RYR3: variants seen among roughly 807,000 people sequenced by gnomAD.
RYR3 encodes ryanodine receptor 3, also known as brain ryanodine receptor-calcium release channel.
In RYR3, 207 loss-of-function variants were observed where a neutral mutation model predicts 584.3. That is an observed-to-expected ratio of 0.35 (90% confidence interval 0.32 to 0.40). The LOEUF (loss-of-function observed/expected upper bound fraction) is 0.40. Ranked by LOEUF, RYR3 falls within the 10% of genes least tolerant of loss-of-function variation. RYR3 has a pLI of 1.00. For missense variants in RYR3, 5,616 were observed against 6,089.2 expected (o/e 0.92, Z 2.59); for synonymous variants, 2,416 against 2,248.5 (o/e 1.07, Z -2.11).
chr15:33,762,880 A>G (rs1313589374), intron 60 of RYR3, among the ~76,000 whole-genome samples: 4 of 152,240 alleles, frequency 2.6e-5, no homozygotes, highest in African/African-American at 9.6e-5. Context: ...CTACAAGGCT[A>G]CAGTAACCAA....
At chr15:33,704,539 T>C (rs2066549025) in intron 42 of RYR3, among the ~76,000 whole-genome samples, 1 of 152,216 alleles carries the variant, frequency 6.6e-6, no homozygotes, top group African/African-American at 2.4e-5. Context: ...TGTCTATTCA[T>C]GGTCTCTGCA....
chr15:33,807,958 C>T (rs941105579), intron 70 of RYR3, among the ~76,000 whole-genome samples: 1 of 152,236 alleles, frequency 6.6e-6, no homozygotes, highest in African/African-American at 2.4e-5. Context: ...GGTCTCAGCC[C>T]TTTCACACTG....
At chr15:33,512,029 C>T (rs1214551397) in intron 3 of RYR3, among the ~76,000 whole-genome samples, 3 of 152,140 alleles carry the variant, frequency 2.0e-5, no homozygotes, top group Non-Finnish European at 2.9e-5. Context: ...CCGCCCGCCT[C>T]GGCCTTCCAA....
At chr15:33,566,831 G>C (rs768079662) in intron 12 of RYR3, 32 bp downstream of exon 12, 2 of 1,612,816 alleles carry the variant, frequency 1.2e-6, no homozygotes, top group East Asian at 4.5e-5. Context: ...TCTACCTAGT[G>C]AGTTTGACTC....
chr15:33,635,015 A>T (rs1319573687), intron 25 of RYR3, among the ~76,000 whole-genome samples: 1 of 152,218 alleles, frequency 6.6e-6, no homozygotes, highest in African/African-American at 2.4e-5. Flanking sequence ...AGAATACCTG[A>T]TCAAAAACCA....
intron 98 of RYR3, chr15:33,856,647 GTT>G (rs60494844): frequency 3.2e-5 from 5 of 153,898 alleles, no homozygotes; most frequent in Non-Finnish European, 7.1e-5. Flanking sequence ...GAACCTTTGG[GTT>G]TTTTGTTTGT....
chr15:33,640,619 AC>A lies in RYR3; in HGVS notation c.3557-3686del, dbSNP rs543032635. Among the ~76,000 whole-genome samples, 27 of 152,190 alleles carry A rather than the reference AC, an allele frequency of 1.8e-4. 1 individual carries two copies. The South Asian group carries it at 5.4e-3, about 30-fold the overall frequency. ...TGCAATCTCCTGGAATTATAAGATT[AC>A]CCCCCTGCTCTCCCTCTTCCTAATC... On this transcript the variant is annotated intron_variant, in intron 27 of 103. Coordinates refer to ENST00000634891, the MANE Select transcript of RYR3 (RefSeq NM_001036.6).
intron 55 of RYR3, 21 bp downstream of exon 55, chr15:33,748,551 A>T (rs557537487): frequency 6.2e-7 from 1 of 1,605,092 alleles, no homozygotes; most frequent in East Asian, 2.2e-5. Flanking sequence ...CAGGTCCAGC[A>T]TGACTTGCTT....
chr15:33,660,499 AC>A, intron 34 of RYR3, 76 bp downstream of exon 34: 2 of 988,864 alleles, frequency 2.0e-6, no homozygotes, highest in African/African-American at 1.6e-5. Flanking sequence ...CCAGAAGGAA[AC>A]CAGGAGCATC....
chr15:33,365,979 A>T (rs1975439960), intron 1 of RYR3, among the ~76,000 whole-genome samples: 2 of 152,320 alleles, frequency 1.3e-5, no homozygotes, highest in South Asian at 4.1e-4. Context: ...TCACCAGTTC[A>T]TAAGGCACTT....
Position 33,844,900 on chromosome 15 carries a change from T to C in RYR3, c.13335T>C (p.Val4445=), listed in dbSNP as rs1295421235. 3 of 1,614,008 alleles carry C rather than the reference T, an allele frequency of 1.9e-6. No individual in the cohort carries two copies. The highest frequency in any genetic ancestry group is 2.5e-6 in the Non-Finnish European group (3 of 1,179,884). The change falls in exon 93 of 104, where the codon GTT becomes GTC. Residue 4445 remains valine, a synonymous_variant. Coordinates refer to ENST00000634891, the MANE Select transcript of RYR3 (RefSeq NM_001036.6). ...CTTTAGAAGAAGAGACAGAGGATGT[T>C]GCAAACCTATGGAATTCCTTTAATG... ...EEPLEEETED[V]ANLWNSFNDE... is the part of the protein sequence containing the mutation.
chr15:33,768,150 G>C (rs2073255251), intron 60 of RYR3, among the ~76,000 whole-genome samples: 1 of 152,160 alleles, frequency 6.6e-6, no homozygotes, highest in Admixed American at 6.5e-5. Flanking sequence ...AAACGTTTTT[G>C]TTTAACACAA....
At chr15:33,732,108 A>G (rs1198795707) in intron 48 of RYR3, among the ~76,000 whole-genome samples, 1 of 152,108 alleles carries the variant, frequency 6.6e-6, no homozygotes, top group Non-Finnish European at 1.5e-5. Context: ...CCGGCTGGGC[A>G]CGGTGGCTCA....
At chr15:33,839,044 C>T in intron 89 of RYR3, 86 bp downstream of exon 89, 2 of 1,475,108 alleles carry the variant, frequency 1.4e-6, no homozygotes, top group African/African-American at 1.4e-5. Context: ...GACACCATTT[C>T]CCTAGGAGCC....
chr15:33,348,007 A>C (rs1374037148), intron 1 of RYR3, among the ~76,000 whole-genome samples: 1 of 152,078 alleles, frequency 6.6e-6, no homozygotes, highest in Admixed American at 6.5e-5. Flanking sequence ...GTATATTAAG[A>C]GTAGTATATA....
intron 84 of RYR3, 81 bp from the exon 85 acceptor site, chr15:33,827,118 T>C (rs1173936215): frequency 2.4e-5 from 27 of 1,141,736 alleles, no homozygotes; most frequent in Non-Finnish European, 3.5e-5. Context: ...TAGAATGTCT[T>C]ATCTGAGCTC....
At chr15:33,384,535 T>A in intron 1 of RYR3, among the ~76,000 whole-genome samples, 1 of 145,910 alleles carries the variant, frequency 6.9e-6, no homozygotes, top group Non-Finnish European at 1.5e-5. Flanking sequence ...AATATTAATT[T>A]AATTAATATT....
Position 33,503,700 on chromosome 15 carries a change from GA to G in RYR3, c.244del (p.Met82CysfsTer30). 6.2e-7 allele frequency: 1 copy of G among 1,612,986 alleles called. No individual in the cohort carries two copies. Among genetic ancestry groups the G allele is most frequent in the South Asian group, 1.1e-5 (1 of 90,608 alleles). On this transcript the variant is annotated frameshift_variant, in exon 3 of 104. Transcript: ENST00000634891. LOFTEE classifies it high-confidence loss of function. The stretch of plus-strand genomic sequence containing the variant: ...GTCCCTATCTGTCAGAGCCCTGCAG[GA>G]AATGCTTGCCAACACAGGTGAAAAT... ...EQSLSVRALQEMLANTGENGG... is the reference protein window; with the variant it reads ...EQSLSVRALQXMLANTGENGG...
At chr15:33,657,961 C>T (rs986268429) in intron 32 of RYR3, among the ~76,000 whole-genome samples, 1 of 152,218 alleles carries the variant, frequency 6.6e-6, no homozygotes, top group African/African-American at 2.4e-5. Flanking sequence ...TGTCTAAATA[C>T]ATTGAGGAAG....
Sources: gnomAD v4.1 joint callset for allele counts (sites outside exome capture counted in the v4.1 genomes callset) on GRCh38, gnomAD v4.1.1 for gene constraint, MANE v1.5 for transcripts, NCBI Gene and HGNC (gene_info 2026-07-23, HGNC 2026-07-21) for gene names.